ERCC6L2: variants seen among roughly 807,000 people sequenced by gnomAD.
The protein encoded by ERCC6L2 is DNA excision repair protein ERCC-6-like 2.
Under a neutral mutation model 132.0 loss-of-function variants are expected in ERCC6L2, and 77 were observed. The ratio of observed to expected loss-of-function variants is 0.58; its 90% CI spans 0.49 to 0.71. ERCC6L2 has a LOEUF of 0.71. Ranked by LOEUF, ERCC6L2 falls within the 30% of genes least tolerant of loss-of-function variation. The pLI, the probability that ERCC6L2 is intolerant of heterozygous loss-of-function variation, is 0.00. For synonymous variants in ERCC6L2, 583 were observed against 632.4 expected, an observed-to-expected ratio of 0.92 and a Z score of 1.17; for missense variants, 1,542 against 1,837.6, an observed-to-expected ratio of 0.84 and a Z score of 2.94.
chr9:95,915,935 G>T (rs1376793369), intron 5 of ERCC6L2, 106 bp downstream of exon 5: 1 of 1,166,406 alleles, frequency 8.6e-7, no homozygotes, highest in Admixed American at 2.8e-5. Context: ...CATTTGTCTG[G>T]TTTTAGATGT....
At chr9:95,984,731 A>G (rs975021133) in intron 17 of ERCC6L2, among the ~76,000 whole-genome samples, 8 of 152,234 alleles carry the variant, frequency 5.3e-5, no homozygotes, top group African/African-American at 1.7e-4. Flanking sequence ...CATATAATTA[A>G]TACTTTATGA....
At chr9:95,985,631 TAG>T in intron 17 of ERCC6L2, among the ~76,000 whole-genome samples, 1 of 152,322 alleles carries the variant, frequency 6.6e-6, no homozygotes, top group South Asian at 2.1e-4. Context: ...ATAATAAATC[TAG>T]AGAGTCATTG....
chr9:95,908,970 T>TA lies in ERCC6L2; in HGVS notation c.788+1706dup, dbSNP rs1436312051. Among the ~76,000 whole-genome samples, 8 of 151,896 alleles carry TA rather than the reference T, an allele frequency of 5.3e-5. No individual in the cohort carries two copies. The East Asian group carries it at 1.2e-3, about 22-fold the overall frequency. On this transcript the variant is annotated intron_variant, in intron 4 of 18. Coordinates refer to ENST00000653738, the MANE Select transcript of ERCC6L2 (RefSeq NM_020207.7). ...TTTTATGAGCACACAAAAAAGAGAG[T>TA]AAAAAAATCACTAATTAGCCATGTG...
At chr9:95,936,143 G>A (rs532146062) in intron 11 of ERCC6L2, among the ~76,000 whole-genome samples, 9 of 152,224 alleles carry the variant, frequency 5.9e-5, no homozygotes, top group African/African-American at 1.9e-4. Flanking sequence ...AAATATGACA[G>A]GACTTGATAC....
chr9:95,916,487 C>G, intron 6 of ERCC6L2, 53 bp downstream of exon 6: 1 of 1,385,316 alleles, frequency 7.2e-7, no homozygotes, highest in South Asian at 1.7e-5. Flanking sequence ...TTTTTTTTTC[C>G]TTTTTAAGAA....
At chr9:95,984,461 C>G (rs1386022148) in intron 17 of ERCC6L2, among the ~76,000 whole-genome samples, 1 of 151,878 alleles carries the variant, frequency 6.6e-6, no homozygotes, top group African/African-American at 2.4e-5. Context: ...ACATCACTCT[C>G]CCATTCAAGA....
chr9:95,903,615 ATACT>A (rs1296447313), intron 3 of ERCC6L2, among the ~76,000 whole-genome samples: 1 of 142,988 alleles, frequency 7.0e-6, no homozygotes, highest in Non-Finnish European at 1.6e-5. Flanking sequence ...CCAAACTTTA[ATACT>A]TCATATAGTA....
At chr9:96,029,303 CAAAA>C (rs201014094) in intron 19 of ERCC6L2, among the ~76,000 whole-genome samples, 92 of 81,798 alleles carry the variant, frequency 1.1e-3, no homozygotes, top group African/African-American at 3.4e-3. Flanking sequence ...GACTCCGTCT[CAAAA>C]AAAAAAAAAA....
intron 14 of ERCC6L2, chr9:95,968,250 C>G (rs1050975486): frequency 1.6e-4 from 24 of 152,046 alleles, no homozygotes; most frequent in Non-Finnish European, 7.4e-5. Context: ...CTTACATTTT[C>G]TTTTTTAAAA....
At chr9:95,903,441 A>G (rs1340382725) in intron 3 of ERCC6L2, among the ~76,000 whole-genome samples, 1 of 152,034 alleles carries the variant, frequency 6.6e-6, no homozygotes, top group Non-Finnish European at 1.5e-5. Flanking sequence ...CTCAAAACCT[A>G]TTGATATATT....
intron 16 of ERCC6L2, among the ~76,000 whole-genome samples, 180 bp from the exon 17 acceptor site, chr9:95,977,881 G>A (rs1416728584): frequency 6.6e-6 from 1 of 151,984 alleles, no homozygotes; most frequent in Non-Finnish European, 1.5e-5. Context: ...AGAAGGAAAA[G>A]TCATTTCCAA....
intron 11 of ERCC6L2, among the ~76,000 whole-genome samples, chr9:95,933,564 G>A (rs1830432523): frequency 1.3e-5 from 2 of 152,098 alleles, no homozygotes; most frequent in South Asian, 4.1e-4. Flanking sequence ...TTCAGAACAG[G>A]CCAGGTGCAG....
chr9:95,941,587 C>A, intron 12 of ERCC6L2, 38 bp downstream of exon 12: 2 of 1,406,912 alleles, frequency 1.4e-6, no homozygotes, highest in South Asian at 1.2e-5. Context: ...TCTGCAAATA[C>A]TTTTAATCTA....
At chr9:96,022,554 G>A (rs1437383509), downstream of ERCC6L2, among the ~76,000 whole-genome samples, 1 of 152,168 alleles carries the variant, frequency 6.6e-6, no homozygotes, top group African/African-American at 2.4e-5. Flanking sequence ...CCCACGCCGA[G>A]TTTATTCACC....
intron 14 of ERCC6L2, among the ~76,000 whole-genome samples, chr9:95,970,238 T>TGTTA (rs966340523): frequency 5.3e-5 from 8 of 152,168 alleles, no homozygotes; most frequent in Non-Finnish European, 1.0e-4. Context: ...TGGGAATGGT[T>TGTTA]GTTATGGATA....
intron 13 of ERCC6L2, among the ~76,000 whole-genome samples, chr9:95,962,912 A>T (rs1476620585): frequency 6.6e-6 from 1 of 152,166 alleles, no homozygotes; most frequent in African/African-American, 2.4e-5. Context: ...CTTCATTGAA[A>T]GATACCTAGA....
At chr9:95,900,496 C>A (rs950443647) in intron 3 of ERCC6L2, among the ~76,000 whole-genome samples, 1 of 151,874 alleles carries the variant, frequency 6.6e-6, no homozygotes, top group Non-Finnish European at 1.5e-5. Context: ...AATTTTTATT[C>A]TCTTTTACCC....
At position 95,972,566 on chromosome 9, in the gene ERCC6L2, A is replaced by G. The variant is rs1297663225; in HGVS notation, c.2815A>G (p.Thr939Ala). ...EDSETEHTVK[T>A]RNNDNSRNTD... ...TTCTGAAACAGAACACACTGTAAAA[A>G]CAAGAAATAATGATAATAGTCGAAA... Residue 939 changes from threonine (T) to alanine (A), a missense_variant, in exon 16 of 19, where the codon ACA becomes GCA. Physicochemically the swap from Thr to Ala is moderately conservative, Grantham distance 58 (BLOSUM62 0). Coordinates refer to ENST00000653738, the MANE Select transcript of ERCC6L2 (RefSeq NM_020207.7). 2.3e-6 allele frequency: 3 copies of G among 1,289,670 alleles called. No individual in the cohort carries two copies. In the South Asian group the frequency reaches 3.7e-5, roughly 16 times the overall value. The allele number at this position is 1,289,670 out of a possible 1,614,324, so 79.9% of individuals were successfully genotyped here.
At position 95,991,254 on chromosome 9, in the gene ERCC6L2, T is replaced by C. The variant is rs576342444; in HGVS notation, c.3492+13039T>C. On this transcript the variant is annotated intron_variant, in intron 17 of 18. Transcript: ENST00000653738. ...GGTTTAGATGGGAGCCCAGCTCTTC[T>C]ATATCACTAGTAGTTAATGGATTCT... Among the ~76,000 whole-genome samples the C allele has an allele frequency of 1.3e-4, 20 of 152,254 alleles. No individual in the cohort carries two copies. The South Asian group carries it at 2.7e-3, about 21-fold the overall frequency.
Sources: gnomAD v4.1 joint callset for allele counts (sites outside exome capture counted in the v4.1 genomes callset) on GRCh38, gnomAD v4.1.1 for gene constraint, MANE v1.5 for transcripts, NCBI Gene and HGNC (gene_info 2026-07-23, HGNC 2026-07-21) for gene names.